The following ATPAF1 variants were observed in gnomAD, a reference collection of about 807,000 sequenced individuals.
ATPAF1 encodes the protein homolog of yeast ATP11.
Under a neutral mutation model 43.9 loss-of-function variants are expected in ATPAF1, and 26 were observed. The observed-to-expected ratio is 0.59, with a 90% CI of 0.43 to 0.82. ATPAF1 has a LOEUF of 0.82. Among genes scored for constraint, ATPAF1 ranks in the 40% least tolerant of loss-of-function variants. The pLI, the probability that ATPAF1 is intolerant of heterozygous loss-of-function variation, is 0.00. For missense variants in ATPAF1, 366 were observed against 435.0 expected (o/e 0.84, Z 1.41); for synonymous variants, 157 against 168.0 (o/e 0.93, Z 0.50).
At chr1:46,665,490 C>T in intron 1 of ATPAF1, 126 bp from the exon 2 acceptor site, 1 of 1,242,590 alleles carries the variant, frequency 8.0e-7, no homozygotes, top group Non-Finnish European at 1.1e-6. Flanking sequence ...AATTTGCCTT[C>T]AGTTAGTAAG....
rs1675827111 is a variant in ATPAF1 at position 46,635,825 on chromosome 1, C to G, written c.938G>C (p.Ser313Thr). ...ACATTTCAGTTCTGCTCCAAGTCCG[C>G]TTTGCTCCAATTCAGCGATGACAGA... Residue 313 changes from serine to threonine, a missense_variant, in exon 9 of 9, where the codon AGC becomes ACC. Around this residue, in one of 2 missense-constraint regions of ATPAF1, gnomAD observed 180 missense variants for 266.5 expected, o/e 0.68. Transcript: ENST00000574428. 1.9e-6 allele frequency: 3 copies of G among 1,614,230 alleles called. No homozygotes were observed. In the East Asian group the frequency reaches 6.7e-5, roughly 36 times the overall value.
chr1:46,664,899 C>A, intron 2 of ATPAF1: 1 of 208,222 alleles, frequency 4.8e-6, no homozygotes, highest in South Asian at 1.1e-4. Context: ...CCATTCCTTC[C>A]TCTCTACTTA....
intron 7 of ATPAF1, 52 bp downstream of exon 7, chr1:46,645,109 C>T: frequency 6.8e-7 from 1 of 1,461,830 alleles, no homozygotes; most frequent in South Asian, 1.2e-5. Flanking sequence ...GGTTTCTAGT[C>T]CTACCAAGGG....
intron 1 of ATPAF1, 141 bp downstream of exon 1, chr1:46,667,916 T>G (rs1012339434): frequency 2.1e-5 from 13 of 629,862 alleles, no homozygotes; most frequent in Admixed American, 4.4e-5. Flanking sequence ...GCAAGTGACC[T>G]AGCCTCGCGG....
chr1:46,667,172 A>T (rs1463506124), intron 1 of ATPAF1, among the ~76,000 whole-genome samples: 2 of 152,104 alleles, frequency 1.3e-5, no homozygotes, highest in African/African-American at 4.8e-5. Flanking sequence ...GAAGTAGGGA[A>T]CTCTAGTTAG....
intron 2 of ATPAF1, among the ~76,000 whole-genome samples, chr1:46,659,727 T>A (rs1232094158): frequency 1.3e-5 from 2 of 152,192 alleles, no homozygotes; most frequent in Non-Finnish European, 2.9e-5. Context: ...CAGAAGTACA[T>A]TCGACACCTG....
intron 8 of ATPAF1, among the ~76,000 whole-genome samples, chr1:46,641,273 TTCA>T (rs1675944629): frequency 6.6e-6 from 1 of 151,974 alleles, no homozygotes; most frequent in East Asian, 1.9e-4. Flanking sequence ...GACACAGGGT[TTCA>T]TCACATTGGC....
chr1:46,659,679 TG>T (rs35075036), intron 2 of ATPAF1, among the ~76,000 whole-genome samples: 1 of 152,184 alleles, frequency 6.6e-6, no homozygotes, highest in Non-Finnish European at 1.5e-5. Flanking sequence ...GTAGTAGGGA[TG>T]GGTTGTTCTG....
chr1:46,646,751 G>T (rs1330913879), intron 6 of ATPAF1, among the ~76,000 whole-genome samples: 3 of 152,168 alleles, frequency 2.0e-5, no homozygotes. Context: ...ACAATTTGAT[G>T]AGTGTGACAT....
At chr1:46,662,676 C>T (rs1676412485) in intron 2 of ATPAF1, among the ~76,000 whole-genome samples, 1 of 152,222 alleles carries the variant, frequency 6.6e-6, no homozygotes, top group Non-Finnish European at 1.5e-5. Flanking sequence ...ATCTGCCCAC[C>T]TCAACCTCCC....
At chr1:46,641,438 G>A (rs1675948604) in intron 8 of ATPAF1, among the ~76,000 whole-genome samples, 1 of 152,216 alleles carries the variant, frequency 6.6e-6, no homozygotes, top group African/African-American at 2.4e-5. Flanking sequence ...TGAAACAAAA[G>A]ATACCCTTGG....
intron 2 of ATPAF1, chr1:46,663,930 T>G: frequency 7.8e-7 from 1 of 1,277,170 alleles, no homozygotes; most frequent in Non-Finnish European, 1.0e-6. Context: ...CATCCTAGGT[T>G]AGAATTTTTC....
In ATPAF1 at chr1:46,653,561, C is replaced by T. The variant is rs560274667; in HGVS notation, c.540+256G>A. On this transcript the variant is annotated intron_variant, in intron 5 of 8. Coordinates refer to ENST00000574428, the Ensembl canonical transcript of ATPAF1. This position sits in a 1 kb window ranked among gnomAD's most constrained non-coding sequence, Gnocchi z 4.8. Reference sequence around the variant, plus strand: ...TCTGGAAATTACTCAGCAACATGAACTTATACCACGCTCCCTTGTCAGAGA... The same window carrying T: ...TCTGGAAATTACTCAGCAACATGAATTTATACCACGCTCCCTTGTCAGAGA... Among the ~76,000 whole-genome samples, 24 of 152,272 alleles carry T rather than the reference C, an allele frequency of 1.6e-4. No homozygotes were observed. The highest frequency in any genetic ancestry group is 6.8e-3 in the Middle Eastern group (2 of 294).
chr1:46,658,478 G>A lies in ATPAF1; in HGVS notation c.426+209C>T, dbSNP rs183892380. 3.7e-3 allele frequency among the ~76,000 whole-genome samples: 568 copies of A among 152,186 alleles called. 1 individual carries two copies. The highest frequency in any genetic ancestry group is 5.2e-3 in the Non-Finnish European group (356 of 68,004). Reference sequence around the variant, plus strand: ...ACTTTGCAGCTGGTAAGAGGAGAAAGTTTGGTTGTTATTTTTAATTAAACT... The same window carrying A: ...ACTTTGCAGCTGGTAAGAGGAGAAAATTTGGTTGTTATTTTTAATTAAACT... On this transcript the variant is annotated intron_variant, in intron 3 of 8. Coordinates refer to ENST00000574428, the Ensembl canonical transcript of ATPAF1.
At position 46,667,932 on chromosome 1, in the gene ATPAF1, G is replaced by T. The variant is rs1045217392; in HGVS notation, c.266+125C>A. 20 of 760,042 alleles carry T rather than the reference G, an allele frequency of 2.6e-5. No homozygotes were observed. The African/African-American group carries it at 3.6e-4, about 14-fold the overall frequency. 47.1% of individuals were successfully genotyped at this position (760,042 alleles called of 1,614,324 possible). Reference sequence around the variant, plus strand: ...CAAGTGACCTAGCCTCGCGGAGCCTGGCTACATCATCTGAAGAGCTGGGAC... The same window carrying T: ...CAAGTGACCTAGCCTCGCGGAGCCTTGCTACATCATCTGAAGAGCTGGGAC... On this transcript the variant is annotated intron_variant, in intron 1 of 8. Transcript: ENST00000574428.
intron 6 of ATPAF1, among the ~76,000 whole-genome samples, chr1:46,649,184 T>A (rs934969410): frequency 6.6e-6 from 1 of 150,910 alleles, no homozygotes; most frequent in Non-Finnish European, 1.5e-5. Context: ...AAAAGTTACA[T>A]TTACTTTTAT....
chr1:46,633,428 C>A, downstream of ATPAF1: 5 of 206,694 alleles, frequency 2.4e-5, no homozygotes, highest in South Asian at 6.7e-5. Context: ...GAAAAAAAAC[C>A]CCAAAATTAG....
intron 6 of ATPAF1, 102 bp downstream of exon 6, chr1:46,652,479 C>T (rs1676189877): frequency 8.9e-7 from 1 of 1,121,018 alleles, no homozygotes; most frequent in South Asian, 1.4e-5. Flanking sequence ...GTAAACAGAG[C>T]ACTATAACAT....
At chr1:46,641,821 A>T (rs572838453) in intron 8 of ATPAF1, among the ~76,000 whole-genome samples, 1 of 151,416 alleles carries the variant, frequency 6.6e-6, no homozygotes, top group Non-Finnish European at 1.5e-5. Context: ...AGGGATGGAG[A>T]CCCCTCGCTC....
Sources: allele counts gnomAD v4.1 joint callset (sites outside exome capture counted in the v4.1 genomes callset), GRCh38; gene constraint gnomAD v4.1.1; regional missense constraint gnomAD v4.1.1; non-coding constraint Gnocchi (gnomAD v3.1); transcripts MANE v1.5; gene names NCBI Gene and HGNC (gene_info 2026-07-23, HGNC 2026-07-21).